ADAM19: variants seen among roughly 807,000 people sequenced by gnomAD.
ADAM19 encodes the protein ADAM metallopeptidase domain 19.
ADAM19 carries 65 observed loss-of-function variants against 114.7 expected under a neutral mutation model. That is an observed-to-expected ratio of 0.57 (90% CI 0.46 to 0.70). ADAM19 has a LOEUF of 0.70. Ranked by LOEUF, ADAM19 falls within the 30% of genes least tolerant of loss-of-function variation. ADAM19 has a pLI of 0.00. For missense variants in ADAM19, 1,063 were observed against 1,204.7 expected (o/e 0.88, Z 1.74); for synonymous variants, 466 against 460.5 (o/e 1.01, Z -0.15).
chr5:157,564,557 A>G, intron 2 of ADAM19, 114 bp from the exon 3 acceptor site: 1 of 885,618 alleles, frequency 1.1e-6, no homozygotes, highest in East Asian at 2.4e-5. Flanking sequence ...GTGAATGAGC[A>G]AAGGTCAATT....
At chr5:157,554,583 G>A (rs922208473) in intron 3 of ADAM19, among the ~76,000 whole-genome samples, 1 of 152,230 alleles carries the variant, frequency 6.6e-6, no homozygotes, top group East Asian at 1.9e-4. Context: ...GAGAGCAGAA[G>A]TAATTTCCTC....
In ADAM19 at chr5:157,499,652, T is replaced by C; in HGVS notation, c.1319A>G (p.Asn440Ser). The change falls in exon 13 of 23, where the codon AAC (asparagine) becomes AGC (serine). Residue 440 changes from asparagine (N) to serine (S), a missense_variant. Physicochemically the swap from Asn to Ser is conservative, Grantham distance 46 (BLOSUM62 1). This residue lies in a region of ADAM19 where 615 missense variants were observed against 706.3 expected (regional missense o/e 0.87). Transcript: ENST00000257527. Reference protein sequence around the residue: ...CDCGEEEECNNPCCNASNCTL... With the variant: ...CDCGEEEECNSPCCNASNCTL... Reference sequence around the variant, plus strand: ...ACAATTAGAGGCATTGCAGCAGGGGTTGTTACATTCCTGGGGAGGCAGTGG... The same window carrying C: ...ACAATTAGAGGCATTGCAGCAGGGGCTGTTACATTCCTGGGGAGGCAGTGG... 6.2e-7 allele frequency: 1 copy of C among 1,610,476 alleles called. No individual in the cohort carries two copies.
rs912045633 is a variant in ADAM19, at chr5:157,506,528, G to A, written c.990+528C>T. ...GTTTTGGCCATTATGCTACTTTGTC[G>A]ATAAATACAGAATGGATAGAGGGAC... On this transcript the variant is annotated intron_variant, in intron 10 of 22. Coordinates refer to ENST00000257527, the MANE Select transcript of ADAM19 (RefSeq NM_033274.5). Among the ~76,000 whole-genome samples the A allele has an allele frequency of 2.5e-4, 38 of 152,150 alleles. 1 individual carries two copies. The highest frequency in any genetic ancestry group is 2.1e-4 in the South Asian group (1 of 4,834).
intron 3 of ADAM19, among the ~76,000 whole-genome samples, chr5:157,548,108 T>C (rs1940637278): frequency 6.6e-6 from 1 of 152,168 alleles, no homozygotes; most frequent in Non-Finnish European, 1.5e-5. Flanking sequence ...ATACTCCCTA[T>C]TGTATGAGCC....
intron 3 of ADAM19, among the ~76,000 whole-genome samples, chr5:157,560,028 G>A (rs1447270043): frequency 1.3e-5 from 2 of 152,026 alleles, no homozygotes. Flanking sequence ...CACTTTGGGA[G>A]GCCGAGGCGG....
In ADAM19 at chr5:157,479,918, C is replaced by G; in HGVS notation, c.*1031G>C. 3 of 985,948 alleles carry G rather than the reference C, an allele frequency of 3.0e-6. No individual in the cohort carries two copies. Among genetic ancestry groups the G allele is most frequent in the Non-Finnish European group, 2.4e-6 (2 of 830,068 alleles). 61.1% of individuals were successfully genotyped at this position (985,948 alleles called of 1,614,324 possible). ...CTTAGAGTAAGGAGGAAGACCCCCACCCTGCTGAGGTCACAAAACACAATG... is the reference window on the plus strand; with the variant it reads ...CTTAGAGTAAGGAGGAAGACCCCCAGCCTGCTGAGGTCACAAAACACAATG... On this transcript the variant is annotated 3_prime_UTR_variant, in exon 23 of 23. Transcript: ENST00000257527.
chr5:157,551,952 G>A (rs569676965), intron 3 of ADAM19, among the ~76,000 whole-genome samples: 1 of 152,116 alleles, frequency 6.6e-6, no homozygotes, highest in South Asian at 2.1e-4. Context: ...GACTAGCCTG[G>A]TCAACATGGC....
intron 3 of ADAM19, among the ~76,000 whole-genome samples, chr5:157,542,519 G>A (rs759617537): frequency 1.1e-4 from 16 of 152,290 alleles, no homozygotes; most frequent in Non-Finnish European, 1.9e-4. Context: ...TCACACAAGC[G>A]TACAGCCAGG....
intron 3 of ADAM19, among the ~76,000 whole-genome samples, chr5:157,564,098 T>TACACAGACCTCTGTGTGCCC (rs1757586250): frequency 6.6e-6 from 1 of 152,226 alleles, no homozygotes; most frequent in South Asian, 2.1e-4. Flanking sequence ...ATCTCACACA[T>TACACAGACCTCTGTGTGCCC]ACACAGACCT....
chr5:157,499,281 G>A (rs1236995674), intron 13 of ADAM19, among the ~76,000 whole-genome samples: 1 of 151,582 alleles, frequency 6.6e-6, no homozygotes, highest in Non-Finnish European at 1.5e-5. Context: ...TATTGTTTAT[G>A]AGCTCAATAA....
chr5:157,537,550 C>A (rs374374943), intron 4 of ADAM19, among the ~76,000 whole-genome samples: 1 of 152,198 alleles, frequency 6.6e-6, no homozygotes, highest in South Asian at 2.1e-4. Context: ...AATCAAACAT[C>A]TAATTGGATG....
At position 157,493,181 on chromosome 5, in the gene ADAM19, G is replaced by A. The variant is rs1225629667; in HGVS notation, c.1704-4C>T. 1.2e-6 allele frequency: 2 copies of A among 1,612,368 alleles called. No homozygotes were observed. Among genetic ancestry groups the A allele is most frequent in the Non-Finnish European group, 8.5e-7 (1 of 1,178,498 alleles). Reference sequence around the variant, plus strand: ...GATCTTCCCACACTTCGCATCTCTGGGCACAAGAGACAGAGAGGGAAGGAA... The same window carrying A: ...GATCTTCCCACACTTCGCATCTCTGAGCACAAGAGACAGAGAGGGAAGGAA... On this transcript the variant is annotated splice_region_variant and splice_polypyrimidine_tract_variant and intron_variant, in intron 15 of 22. Transcript: ENST00000257527.
chr5:157,520,215 A>G (rs909653531), intron 5 of ADAM19, among the ~76,000 whole-genome samples, 184 bp from the exon 6 acceptor site: 18 of 152,212 alleles, frequency 1.2e-4, no homozygotes, highest in African/African-American at 4.1e-4. Flanking sequence ...TCCTCTCTAG[A>G]GGAATGCACT....
intron 3 of ADAM19, among the ~76,000 whole-genome samples, chr5:157,538,346 T>G (rs879797750): frequency 1.3e-5 from 2 of 152,228 alleles, no homozygotes; most frequent in Non-Finnish European, 2.9e-5. Context: ...GTACCGTGGT[T>G]GATTTTTCCA....
intron 5 of ADAM19, among the ~76,000 whole-genome samples, chr5:157,522,511 C>G (rs534000261): frequency 1.2e-4 from 19 of 152,264 alleles, no homozygotes; most frequent in Non-Finnish European, 2.2e-4. Context: ...AGAGGCTGGG[C>G]GCTGTGGCTC....
At chr5:157,512,162 TCCC>T (rs1294701803) in intron 8 of ADAM19, among the ~76,000 whole-genome samples, 1 of 152,196 alleles carries the variant, frequency 6.6e-6, no homozygotes, top group African/African-American at 2.4e-5. Context: ...CTGGACTGTG[TCCC>T]TAGAGTCTGT....
At chr5:157,574,917 A>G (rs527480483) in intron 1 of ADAM19, among the ~76,000 whole-genome samples, 1 of 152,310 alleles carries the variant, frequency 6.6e-6, no homozygotes, top group Admixed American at 6.5e-5. Context: ...TTCCAGTGCC[A>G]CCGCGGACCT....
chr5:157,480,468 C>A lies in ADAM19; in HGVS notation c.*481G>T, dbSNP rs1040853551. On this transcript the variant is annotated 3_prime_UTR_variant, in exon 23 of 23. Transcript: ENST00000257527. ...TGGCTGGCTTGACCCTTCCTTAATC[C>A]CTAAAAGCTAAAAGGGGTGGGTAAG... 1.5e-5 allele frequency: 15 copies of A among 990,864 alleles called. No individual in the cohort carries two copies. The highest frequency in any genetic ancestry group is 1.8e-5 in the Non-Finnish European group (15 of 833,552). 61.4% of individuals were successfully genotyped at this position (990,864 alleles called of 1,614,324 possible).
intron 7 of ADAM19, among the ~76,000 whole-genome samples, chr5:157,517,531 T>C (rs1247483251): frequency 6.6e-6 from 1 of 152,182 alleles, no homozygotes; most frequent in Non-Finnish European, 1.5e-5. Context: ...TCTGCTTCAA[T>C]GTCAGGGAAG....
Sources: allele counts gnomAD v4.1 joint callset (sites outside exome capture counted in the v4.1 genomes callset), GRCh38; gene constraint gnomAD v4.1.1; regional missense constraint gnomAD v4.1.1; transcripts MANE v1.5; gene names NCBI Gene and HGNC (gene_info 2026-07-23, HGNC 2026-07-21).